SEMA3D: variants seen among roughly 807,000 people sequenced by gnomAD.
The protein encoded by SEMA3D is semaphorin 3D.
Under a neutral mutation model 100.1 loss-of-function variants are expected in SEMA3D, and 84 were observed. The ratio of observed to expected loss-of-function variants is 0.84; its 90% CI spans 0.70 to 1.01. The LOEUF (loss-of-function observed/expected upper bound fraction) is 1.01. Among genes scored for constraint, SEMA3D ranks in the 50% least tolerant of loss-of-function variants. SEMA3D has a pLI of 0.00. For missense variants in SEMA3D, 875 were observed against 934.1 expected, an observed-to-expected ratio of 0.94 and a Z score of 0.82; for synonymous variants, 312 against 320.7, an observed-to-expected ratio of 0.97 and a Z score of 0.29.
At chr7:85,031,187 C>T (rs1245823053) in intron 12 of SEMA3D, among the ~76,000 whole-genome samples, 1 of 151,966 alleles carries the variant, frequency 6.6e-6, no homozygotes, top group African/African-American at 2.4e-5. Flanking sequence ...GCTTGACACA[C>T]TGAAAGTTGT....
At chr7:85,157,779 A>G (rs1790640178) in intron 1 of SEMA3D, 1 of 212,018 alleles carries the variant, frequency 4.7e-6, no homozygotes, top group Non-Finnish European at 8.1e-6. Flanking sequence ...CCCAAAGCAC[A>G]TGGATTAGTA....
chr7:85,140,770 T>C (rs1790024131), intron 2 of SEMA3D: 1 of 970,854 alleles, frequency 1.0e-6, no homozygotes, highest in African/African-American at 1.8e-5. Context: ...AATGAATTAA[T>C]GTATATTTTG....
intron 1 of SEMA3D, among the ~76,000 whole-genome samples, chr7:85,178,566 G>T (rs539497329): frequency 6.6e-6 from 1 of 152,250 alleles, no homozygotes; most frequent in African/African-American, 2.4e-5. Flanking sequence ...TGAGAGAGAT[G>T]ATTTAGGGTA....
chr7:85,033,315 A>G (rs145185257), intron 12 of SEMA3D, among the ~76,000 whole-genome samples: 4 of 152,166 alleles, frequency 2.6e-5, no homozygotes, highest in Non-Finnish European at 4.4e-5. Context: ...TTATTTTCCT[A>G]CTTTCGGGGA....
At chr7:85,221,483 G>A in the SEMA3D span, among the ~76,000 whole-genome samples, 1 of 152,038 alleles carries the variant, frequency 6.6e-6, no homozygotes. Context: ...CTGTGTTCCT[G>A]AAACCTGTGT....
intron 7 of SEMA3D, among the ~76,000 whole-genome samples, chr7:85,066,913 C>CACACACACAGAGAGAGAGAGAGAGAG: frequency 7.8e-6 from 1 of 127,760 alleles, no homozygotes; most frequent in African/African-American, 3.2e-5. Flanking sequence ...CACACACACA[C>CACACACACAGAGAGAGAGAGAGAGAG]AGAGAGAGAG....
At chr7:85,212,025 C>G in the SEMA3D span, among the ~76,000 whole-genome samples, 1 of 152,014 alleles carries the variant, frequency 6.6e-6, no homozygotes, top group Non-Finnish European at 1.5e-5. Context: ...TTGACCATGC[C>G]TGATGCCATC....
chr7:85,248,315 T>C, the SEMA3D span, among the ~76,000 whole-genome samples: 1 of 152,146 alleles, frequency 6.6e-6, no homozygotes, highest in Non-Finnish European at 1.5e-5. Flanking sequence ...CTTAGAACAG[T>C]GACACCACCA....
At chr7:85,072,424 A>G (rs1184884874) in intron 6 of SEMA3D, among the ~76,000 whole-genome samples, 1 of 152,220 alleles carries the variant, frequency 6.6e-6, no homozygotes, top group Non-Finnish European at 1.5e-5. Flanking sequence ...AATTATTTAT[A>G]TAATGCAATT....
chr7:85,120,722 T>C (rs746753454), intron 3 of SEMA3D, among the ~76,000 whole-genome samples: 1 of 150,800 alleles, frequency 6.6e-6, no homozygotes, highest in Non-Finnish European at 1.5e-5. Flanking sequence ...CAATAAATGA[T>C]ATTTCATAAT....
intron 1 of SEMA3D, among the ~76,000 whole-genome samples, chr7:85,165,102 T>G (rs1238401584): frequency 6.6e-6 from 1 of 151,918 alleles, no homozygotes; most frequent in Non-Finnish European, 1.5e-5. Flanking sequence ...AGTGTTTGGT[T>G]TTTTGTCCTT....
rs1789428615 is a variant in SEMA3D, at chr7:85,121,925, A to G, written c.-34T>C. 1.4e-6 allele frequency: 2 copies of G among 1,467,220 alleles called. No homozygotes were observed. The highest frequency in any genetic ancestry group is 2.6e-5 in the South Asian group (2 of 77,374). The allele number at this position is 1,467,220 out of a possible 1,614,324, so 90.9% of individuals were successfully genotyped here. ...CAATGTTCTCTTTCAAATGGTGTTA[A>G]TTTAATCTAAAAAAGAGTAAAAAAA... On this transcript the variant is annotated 5_prime_UTR_variant, in exon 3 of 19. Coordinates refer to ENST00000284136, the MANE Select transcript of SEMA3D (RefSeq NM_001384900.1).
intron 3 of SEMA3D, among the ~76,000 whole-genome samples, chr7:85,120,926 C>T (rs1352082495): frequency 6.6e-6 from 1 of 152,098 alleles, no homozygotes; most frequent in Admixed American, 6.5e-5. Context: ...GCTAATTCAA[C>T]TTACTCTTAG....
intron 12 of SEMA3D, among the ~76,000 whole-genome samples, chr7:85,036,087 A>T (rs35948002): frequency 0.25 from 38,466 of 151,898 alleles, 5,095 homozygotes; most frequent in Non-Finnish European, 0.3. Context: ...AATTATTTTA[A>T]ACCTCTTGGT....
At chr7:85,246,327 T>C in the SEMA3D span, among the ~76,000 whole-genome samples, 1 of 152,064 alleles carries the variant, frequency 6.6e-6, no homozygotes, top group Admixed American at 6.5e-5. Context: ...AGAAGTGTAT[T>C]TGGAAGTACT....
intron 1 of SEMA3D, among the ~76,000 whole-genome samples, chr7:85,159,348 C>T (rs1236084944): frequency 6.6e-6 from 1 of 152,162 alleles, no homozygotes; most frequent in East Asian, 1.9e-4. Context: ...CCCTTTTTAA[C>T]AGTCATTGAC....
intron 3 of SEMA3D, among the ~76,000 whole-genome samples, chr7:85,103,923 G>A (rs1788825061): frequency 1.3e-5 from 2 of 151,948 alleles, no homozygotes; most frequent in South Asian, 2.1e-4. Context: ...AAATGGTTCC[G>A]AGGATCGAAT....
At chr7:85,152,136 A>G (rs1326041664) in intron 2 of SEMA3D, among the ~76,000 whole-genome samples, 1 of 151,962 alleles carries the variant, frequency 6.6e-6, no homozygotes, top group African/African-American at 2.4e-5. Flanking sequence ...CTTGTAGGAC[A>G]ATATTTCTTT....
intron 17 of SEMA3D, among the ~76,000 whole-genome samples, chr7:85,007,838 G>A (rs941326478): frequency 2.0e-5 from 3 of 151,756 alleles, no homozygotes; most frequent in African/African-American, 4.8e-5. Flanking sequence ...AGGTTTAAGG[G>A]ACCAAGTGAA....
Sources: gnomAD v4.1 joint callset for allele counts (sites outside exome capture counted in the v4.1 genomes callset) on GRCh38, gnomAD v4.1.1 for gene constraint, MANE v1.5 for transcripts, NCBI Gene and HGNC (gene_info 2026-07-23, HGNC 2026-07-21) for gene names.